Variants in FNDC3B observed in about 807,000 individuals in gnomAD.
The protein encoded by FNDC3B is fibronectin type III domain containing 3B.
A neutral mutation model predicts 151.5 loss-of-function variants in FNDC3B; 12 were observed. The ratio of observed to expected loss-of-function variants is 0.08; its 90% confidence interval spans 0.05 to 0.13. The LOEUF (loss-of-function observed/expected upper bound fraction) is 0.13, where lower values mean the gene tolerates loss of function less well. Among genes scored for constraint, FNDC3B ranks in the 10% least tolerant of loss-of-function variants. The probability of loss-of-function intolerance (pLI) is 1.00; values close to 1 mark genes in which losing one functional copy is unlikely to be tolerated. For missense variants in FNDC3B, 1,214 were observed against 1,505.3 expected (o/e 0.81, Z 3.20); for synonymous variants, 528 against 549.0 (o/e 0.96, Z 0.54).
chr3:172,098,979 G>A (rs771044696), intron 1 of FNDC3B, among the ~76,000 whole-genome samples: 3 of 152,180 alleles, frequency 2.0e-5, no homozygotes, highest in Non-Finnish European at 2.9e-5. Flanking sequence ...GCTGCCTCTC[G>A]GCAATGTAAA....
chr3:172,077,016 C>T (rs548783398), intron 1 of FNDC3B, among the ~76,000 whole-genome samples: 89 of 152,198 alleles, frequency 5.8e-4, no homozygotes, highest in African/African-American at 2.0e-3. Flanking sequence ...AAAACAAAAT[C>T]TGCATAATGA....
intron 2 of FNDC3B, among the ~76,000 whole-genome samples, chr3:172,121,862 C>T (rs1020977534): frequency 9.2e-5 from 14 of 152,090 alleles, no homozygotes; most frequent in South Asian, 2.1e-4. Context: ...CCACTATGCC[C>T]GGCCATAAAG....
chr3:172,392,243 A>G (rs1208752489), intron 25 of FNDC3B, among the ~76,000 whole-genome samples: 1 of 152,204 alleles, frequency 6.6e-6, no homozygotes, highest in East Asian at 1.9e-4. Flanking sequence ...CAGCCTAGCT[A>G]TTTGTAACTC....
chr3:172,377,642 A>G (rs1024920214), intron 23 of FNDC3B, among the ~76,000 whole-genome samples: 3 of 152,178 alleles, frequency 2.0e-5, no homozygotes, highest in Non-Finnish European at 2.9e-5. Context: ...TGTCCAGCCC[A>G]CCTGTGCTGT....
At position 172,398,668 on chromosome 3, in the gene FNDC3B, C is replaced by T. The variant is rs944987820; in HGVS notation, c.*1193C>T. On this transcript the variant is annotated 3_prime_UTR_variant, in exon 26 of 26. Transcript: ENST00000415807. ...TTGGGGATCAAGGAGCCTAGATTCTCTCCCTGGATCTGTCACTAACTTGCT... is the reference window on the plus strand; with the variant it reads ...TTGGGGATCAAGGAGCCTAGATTCTTTCCCTGGATCTGTCACTAACTTGCT... 1.3e-5 allele frequency: 2 copies of T among 152,176 alleles called. No homozygotes were observed. Among genetic ancestry groups the T allele is most frequent in the African/African-American group, 4.8e-5 (2 of 41,432 alleles). 9.4% of individuals were successfully genotyped at this position (152,176 alleles called of 1,614,324 possible).
intron 1 of FNDC3B, among the ~76,000 whole-genome samples, chr3:172,065,032 C>T (rs1198087854): frequency 6.6e-6 from 1 of 152,188 alleles, no homozygotes; most frequent in African/African-American, 2.4e-5. Context: ...AGAGAACAGC[C>T]TCTTAAAATT....
In FNDC3B at chr3:172,247,611, T is replaced by G. The variant is rs1247516460; in HGVS notation, c.343T>G (p.Ser115Ala). ...TGAGTGTTATCCCCCAAGCTACCCC[T>G]CAGCCATGTCTCCAACCCATCATCT... ...SPECYPPSYP[S>A]AMSPTHHLPP... The change falls in exon 5 of 26, where the codon TCA (serine) becomes GCA (alanine). Residue 115 changes from serine to alanine, a missense_variant. Ser to Ala is a moderately conservative substitution (Grantham distance 99). Transcript: ENST00000415807. The G allele has an allele frequency of 6.2e-7, 1 of 1,613,998 alleles. No individual in the cohort carries two copies. Among genetic ancestry groups the G allele is most frequent in the East Asian group, 2.2e-5 (1 of 44,898 alleles).
intron 3 of FNDC3B, among the ~76,000 whole-genome samples, chr3:172,146,958 A>G (rs1460031066): frequency 6.6e-6 from 1 of 152,180 alleles, no homozygotes; most frequent in African/African-American, 2.4e-5. Flanking sequence ...ATGTTTAATG[A>G]AATTCAAAGT....
At chr3:172,215,988 G>A (rs188257354) in intron 3 of FNDC3B, among the ~76,000 whole-genome samples, 3 of 147,810 alleles carry the variant, frequency 2.0e-5, no homozygotes, top group East Asian at 1.9e-4. Context: ...TGGGAACTCC[G>A]TCTTGAGTTT....
intron 11 of FNDC3B, among the ~76,000 whole-genome samples, chr3:172,323,322 C>T (rs935110810): frequency 1.3e-5 from 2 of 151,854 alleles, no homozygotes; most frequent in South Asian, 2.1e-4. Context: ...GCCAGGGGTT[C>T]GAGATCAGCC....
chr3:172,047,053 G>A (rs1249457596), intron 1 of FNDC3B: 3 of 152,078 alleles, frequency 2.0e-5, no homozygotes, highest in South Asian at 2.1e-4. Flanking sequence ...TAGAATGTAA[G>A]GATACATCTT....
intron 1 of FNDC3B, among the ~76,000 whole-genome samples, chr3:172,074,699 G>A (rs1177891021): frequency 2.6e-5 from 4 of 152,196 alleles, no homozygotes; most frequent in African/African-American, 9.7e-5. Flanking sequence ...TGAGACACAC[G>A]GAAAGGAAGC....
intron 11 of FNDC3B, among the ~76,000 whole-genome samples, chr3:172,327,854 A>C (rs1732436299): frequency 6.6e-6 from 1 of 152,228 alleles, no homozygotes; most frequent in African/African-American, 2.4e-5. Context: ...TTACGTAAAA[A>C]ATGTGCTTGC....
chr3:172,400,373 A>G lies in FNDC3B; in HGVS notation c.*2898A>G, dbSNP rs1364228368. 1 of 152,674 alleles carries G rather than the reference A, an allele frequency of 6.5e-6. No individual in the cohort carries two copies. Among genetic ancestry groups the G allele is most frequent in the Non-Finnish European group, 1.5e-5 (1 of 68,036 alleles). 9.5% of individuals were successfully genotyped at this position (152,674 alleles called of 1,614,324 possible). A position where few individuals can be genotyped will look rare whatever the true frequency, so the allele number is the denominator to read the frequency against. Reference sequence around the variant, plus strand: ...TTCTAACCTTGTTTTGTTGGCTACAATAATTCAGTATTCATGTCAAAATTG... The same window carrying G: ...TTCTAACCTTGTTTTGTTGGCTACAGTAATTCAGTATTCATGTCAAAATTG... On this transcript the variant is annotated 3_prime_UTR_variant, in exon 26 of 26. Coordinates refer to ENST00000415807, the MANE Select transcript of FNDC3B (RefSeq NM_022763.4).
intron 1 of FNDC3B, among the ~76,000 whole-genome samples, chr3:172,041,359 T>TTTTTC (rs141385729): frequency 6.7e-6 from 1 of 149,248 alleles, no homozygotes; most frequent in South Asian, 2.1e-4. Flanking sequence ...TTAAAAATCG[T>TTTTTC]TTTCTTTCTT....
chr3:172,252,630 G>C (rs990817678), intron 6 of FNDC3B, among the ~76,000 whole-genome samples: 1 of 152,016 alleles, frequency 6.6e-6, no homozygotes, highest in Non-Finnish European at 1.5e-5. Context: ...CTTCTGACAA[G>C]AGAGAGGAAG....
rs1203718774 is a variant in FNDC3B at position 172,397,705 on chromosome 3, A to G, written c.*230A>G. ...AAAAAGAAAAAAAAAGAAGAAAAGT[A>G]TACCAGATACCAAAAGCTAGCTTTC... On this transcript the variant is annotated 3_prime_UTR_variant, in exon 26 of 26. Transcript: ENST00000415807. 1 of 303,280 alleles carries G rather than the reference A, an allele frequency of 3.3e-6. No homozygotes were observed. 18.8% of individuals were successfully genotyped at this position (303,280 alleles called of 1,614,324 possible).
chr3:172,132,822 C>T (rs985815945), intron 2 of FNDC3B, among the ~76,000 whole-genome samples: 4 of 152,134 alleles, frequency 2.6e-5, no homozygotes, highest in Non-Finnish European at 2.9e-5. Context: ...GTTGACAGAA[C>T]GTACTTTGCT....
intron 25 of FNDC3B, among the ~76,000 whole-genome samples, chr3:172,392,798 C>CTTT (rs11450405): frequency 1.2e-5 from 1 of 86,280 alleles, no homozygotes; most frequent in Non-Finnish European, 2.4e-5. Flanking sequence ...TGAATTTTTT[C>CTTT]TTTTTTTTTT....
Sources: allele counts gnomAD v4.1 joint callset (sites outside exome capture counted in the v4.1 genomes callset), GRCh38; gene constraint gnomAD v4.1.1; transcripts MANE v1.5; gene names NCBI Gene and HGNC (gene_info 2026-07-23, HGNC 2026-07-21).